Variants in LAMTOR3 observed in about 807,000 individuals in gnomAD.
LAMTOR3 encodes the protein ragulator complex protein LAMTOR3.
Under a neutral mutation model 20.3 loss-of-function variants are expected in LAMTOR3, and 14 were observed. The ratio of observed to expected loss-of-function variants is 0.69; its 90% CI spans 0.46 to 1.08. The LOEUF (loss-of-function observed/expected upper bound fraction) is 1.08, where lower values mean the gene tolerates loss of function less well. Ranked by LOEUF, LAMTOR3 falls within the 50% of genes least tolerant of loss-of-function variation. LAMTOR3 has a pLI of 0.00. For synonymous variants in LAMTOR3, 40 were observed against 49.4 expected (o/e 0.81, Z 0.80); for missense variants, 125 against 143.7 (o/e 0.87, Z 0.67).
Position 99,887,279 on chromosome 4 carries a change from T to A in LAMTOR3, c.103+17A>T. On this transcript the variant is annotated intron_variant, in intron 4 of 6. Coordinates refer to ENST00000499666, the MANE Select transcript of LAMTOR3 (RefSeq NM_021970.4). ...CAAAAGCAAAGAAGACATTTGCATT[T>A]AAATGTTCAGTTTTACCTTTAATAA... 1 of 1,520,316 alleles carries A rather than the reference T, an allele frequency of 6.6e-7. No homozygotes were observed. Among genetic ancestry groups the A allele is most frequent in the Non-Finnish European group, 9.0e-7 (1 of 1,116,900 alleles). 94.2% of individuals were successfully genotyped at this position (1,520,316 alleles called of 1,614,324 possible).
rs751858376 is a variant in LAMTOR3, at chr4:99,879,095, C to T, written c.*2899G>A. 9.2e-5 allele frequency: 14 copies of T among 152,166 alleles called. No individual in the cohort carries two copies. Among genetic ancestry groups the T allele is most frequent in the Non-Finnish European group, 1.9e-4 (13 of 68,022 alleles). The allele number at this position is 152,166 out of a possible 1,614,324, so 9.4% of individuals were successfully genotyped here. A position where few individuals can be genotyped will look rare whatever the true frequency, so the allele number is the denominator to read the frequency against. The stretch of plus-strand genomic sequence containing the variant: ...AGTATAACAAGTCACACTTCCCTAG[C>T]AGGCATAGAGAATGCCTGCCCTACT... On this transcript the variant is annotated 3_prime_UTR_variant, in exon 7 of 7. Coordinates refer to ENST00000499666, the MANE Select transcript of LAMTOR3 (RefSeq NM_021970.4).
chr4:99,889,016 C>T (rs1214834992), intron 3 of LAMTOR3, among the ~76,000 whole-genome samples: 3 of 152,000 alleles, frequency 2.0e-5, no homozygotes, highest in African/African-American at 7.3e-5. Context: ...ACCAGCCTGG[C>T]CAACATGATG....
Position 99,881,914 on chromosome 4 carries a change from A to C in LAMTOR3, c.*80T>G. ...CTTTCTTGAGCACATGGATAAAAGTATTATTGTAGTCTAAAGATTGCTGGA... is the reference window on the plus strand; with the variant it reads ...CTTTCTTGAGCACATGGATAAAAGTCTTATTGTAGTCTAAAGATTGCTGGA... On this transcript the variant is annotated 3_prime_UTR_variant, in exon 7 of 7. Transcript: ENST00000499666. The C allele has an allele frequency of 1.0e-6, 1 of 971,920 alleles. No homozygotes were observed. Among genetic ancestry groups the C allele is most frequent in the Non-Finnish European group, 1.6e-6 (1 of 618,038 alleles). 60.2% of individuals were successfully genotyped at this position (971,920 alleles called of 1,614,324 possible). A position where few individuals can be genotyped will look rare whatever the true frequency, so the allele number is the denominator to read the frequency against.
intron 4 of LAMTOR3, among the ~76,000 whole-genome samples, chr4:99,886,965 G>C (rs999204344): frequency 6.8e-6 from 1 of 147,232 alleles, no homozygotes; most frequent in African/African-American, 2.5e-5. Flanking sequence ...GGGTGTCTGT[G>C]TGTATATCTA....
At chr4:99,884,866 G>T (rs1724892875) in intron 5 of LAMTOR3, among the ~76,000 whole-genome samples, 1 of 152,052 alleles carries the variant, frequency 6.6e-6, no homozygotes, top group South Asian at 2.1e-4. Context: ...TTGGGAGGCT[G>T]AGGCGTGAGA....
At chr4:99,891,836 G>A (rs1450636700) in intron 3 of LAMTOR3, among the ~76,000 whole-genome samples, 164 bp downstream of exon 3, 2 of 152,154 alleles carry the variant, frequency 1.3e-5, no homozygotes, top group African/African-American at 2.4e-5. Flanking sequence ...TGAGGAAAGC[G>A]GTTGTGACGA....
chr4:99,881,917 A>G lies in LAMTOR3; in HGVS notation c.*77T>C, dbSNP rs1281471518. The G allele has an allele frequency of 1.0e-6, 1 of 990,652 alleles. No homozygotes were observed. The highest frequency in any genetic ancestry group is 2.5e-5 in the East Asian group (1 of 40,368). The allele number at this position is 990,652 out of a possible 1,614,324, so 61.4% of individuals were successfully genotyped here. On this transcript the variant is annotated 3_prime_UTR_variant, in exon 7 of 7. Transcript: ENST00000499666. ...TCTTGAGCACATGGATAAAAGTATT[A>G]TTGTAGTCTAAAGATTGCTGGATTG...
chr4:99,891,019 T>C (rs1416313000), intron 3 of LAMTOR3, among the ~76,000 whole-genome samples: 1 of 152,230 alleles, frequency 6.6e-6, no homozygotes, highest in Non-Finnish European at 1.5e-5. Flanking sequence ...GAATCAATTA[T>C]TGCTTTATTA....
rs937796039 is a variant in LAMTOR3 at position 99,885,737 on chromosome 4, C to T, written c.104-62G>A. 7.9e-6 allele frequency: 11 copies of T among 1,384,334 alleles called. No individual in the cohort carries two copies. In the Admixed American group the frequency reaches 2.0e-4, roughly 25 times the overall value. 85.8% of individuals were successfully genotyped at this position (1,384,334 alleles called of 1,614,324 possible). A position where few individuals can be genotyped will look rare whatever the true frequency, so the allele number is the denominator to read the frequency against. ...AGGATATGGTAGAGAGATTTACAGC[C>T]CTTTTTTTTCATAAACCTCTTTTTA... is the stretch of plus-strand genomic sequence containing the variant. On this transcript the variant is annotated intron_variant, in intron 4 of 6. Transcript: ENST00000499666.
Position 99,892,046 on chromosome 4 carries a change from C to A in LAMTOR3, c.10-12G>T. The A allele has an allele frequency of 6.4e-7, 1 of 1,562,014 alleles. No individual in the cohort carries two copies. The highest frequency in any genetic ancestry group is 2.4e-5 in the East Asian group (1 of 41,854). ...AATCGCTTTAGGTCCTGAAAGAGAGCATTAAAAAATAATGTTGTAATAATA... is the reference window on the plus strand; with the variant it reads ...AATCGCTTTAGGTCCTGAAAGAGAGAATTAAAAAATAATGTTGTAATAATA... On this transcript the variant is annotated splice_polypyrimidine_tract_variant and intron_variant, in intron 2 of 6. Coordinates refer to ENST00000499666, the MANE Select transcript of LAMTOR3 (RefSeq NM_021970.4).
chr4:99,894,101 A>G, intron 1 of LAMTOR3, 101 bp from the exon 2 acceptor site: 1 of 713,370 alleles, frequency 1.4e-6, no homozygotes, highest in Non-Finnish European at 2.1e-6. Flanking sequence ...ACCAGGTAAA[A>G]CCCCCGCGGT....
chr4:99,881,941 T>G lies in LAMTOR3; in HGVS notation c.*53A>C. 1 of 1,195,630 alleles carries G rather than the reference T, an allele frequency of 8.4e-7. No individual in the cohort carries two copies. 74.1% of individuals were successfully genotyped at this position (1,195,630 alleles called of 1,614,324 possible). ...TATTGTAGTCTAAAGATTGCTGGAT[T>G]GATATTGTGTTGTTATAATGAAGAT... On this transcript the variant is annotated 3_prime_UTR_variant, in exon 7 of 7. Coordinates refer to ENST00000499666, the MANE Select transcript of LAMTOR3 (RefSeq NM_021970.4).
chr4:99,887,223 T>TA (rs1724944167), intron 4 of LAMTOR3, 73 bp downstream of exon 4: 2 of 924,742 alleles, frequency 2.2e-6, no homozygotes, highest in Non-Finnish European at 3.3e-6. Context: ...CCTGCTGTAC[T>TA]ACTCAGATGT....
chr4:99,892,760 C>T (rs1160577432), intron 2 of LAMTOR3, among the ~76,000 whole-genome samples: 1 of 151,198 alleles, frequency 6.6e-6, no homozygotes, highest in African/African-American at 2.4e-5. Flanking sequence ...CTCACTGCGA[C>T]CTCTGCCTCC....
Position 99,878,444 on chromosome 4 carries a change from C to T in LAMTOR3, c.*3550G>A, listed in dbSNP as rs1356450823. ...TTTATTATTTTTGAACAGTTAAAAA[C>T]TCAAAGTACAATGAAGTTTACAATG... On this transcript the variant is annotated 3_prime_UTR_variant, in exon 7 of 7. Coordinates refer to ENST00000499666, the MANE Select transcript of LAMTOR3 (RefSeq NM_021970.4). 3.9e-5 allele frequency: 6 copies of T among 152,122 alleles called. No individual in the cohort carries two copies. Among genetic ancestry groups the T allele is most frequent in the Non-Finnish European group, 8.8e-5 (6 of 68,036 alleles). The allele number at this position is 152,122 out of a possible 1,614,324, so 9.4% of individuals were successfully genotyped here.
Position 99,879,416 on chromosome 4 carries a change from T to A in LAMTOR3, c.*2578A>T, listed in dbSNP as rs1206786863. ...ATTCAACATGTAAAGGTTAAGTAGCTCCATTTGTTATCATTTCTTTTTCTA... is the reference window on the plus strand; with the variant it reads ...ATTCAACATGTAAAGGTTAAGTAGCACCATTTGTTATCATTTCTTTTTCTA... On this transcript the variant is annotated 3_prime_UTR_variant, in exon 7 of 7. Transcript: ENST00000499666. The A allele has an allele frequency of 6.6e-6, 1 of 152,214 alleles. No homozygotes were observed. Among genetic ancestry groups the A allele is most frequent in the Non-Finnish European group, 1.5e-5 (1 of 68,026 alleles). 9.4% of individuals were successfully genotyped at this position (152,214 alleles called of 1,614,324 possible).
intron 2 of LAMTOR3, among the ~76,000 whole-genome samples, chr4:99,892,525 A>G (rs1725040917): frequency 6.6e-6 from 1 of 152,176 alleles, no homozygotes. Flanking sequence ...CGTGACTATC[A>G]CATTATAAAA....
chr4:99,885,483 A>C lies in LAMTOR3; in HGVS notation c.237+59T>G, dbSNP rs866756870. ...CTATAACACAAACTATTTTATATAT[A>C]TAAAAGGCACAAAAATGACAACTGA... On this transcript the variant is annotated intron_variant, in intron 5 of 6. Coordinates refer to ENST00000499666, the MANE Select transcript of LAMTOR3 (RefSeq NM_021970.4). The C allele has an allele frequency of 3.4e-6, 5 of 1,469,680 alleles. No homozygotes were observed. The South Asian group carries it at 5.3e-5, about 16-fold the overall frequency. The allele number at this position is 1,469,680 out of a possible 1,614,324, so 91.0% of individuals were successfully genotyped here. A position where few individuals can be genotyped will look rare whatever the true frequency, so the allele number is the denominator to read the frequency against.
At chr4:99,894,085 G>C in intron 1 of LAMTOR3, 85 bp from the exon 2 acceptor site, 1 of 882,302 alleles carries the variant, frequency 1.1e-6, no homozygotes, top group Non-Finnish European at 1.6e-6. Flanking sequence ...ATCAGCCCTG[G>C]TCAGAACCAG....
Sources: gnomAD v4.1 joint callset for allele counts (sites outside exome capture counted in the v4.1 genomes callset) on GRCh38, gnomAD v4.1.1 for gene constraint, MANE v1.5 for transcripts, NCBI Gene and HGNC (gene_info 2026-07-23, HGNC 2026-07-21) for gene names.